Variants in PIK3CB observed in about 807,000 individuals in gnomAD.
The protein encoded by PIK3CB is phosphatidylinositol-4,5-bisphosphate 3-kinase catalytic subunit beta, also known as phosphatidylinositol 4,5-bisphosphate 3-kinase catalytic subunit beta isoform.
Under a neutral mutation model 136.8 loss-of-function variants are expected in PIK3CB, and 39 were observed. The observed-to-expected ratio is 0.29, with a 90% CI of 0.22 to 0.37. PIK3CB has a LOEUF of 0.37. Among genes scored for constraint, PIK3CB ranks in the 10% least tolerant of loss-of-function variants. The pLI, the probability that PIK3CB is intolerant of heterozygous loss-of-function variation, is 1.00. For missense variants in PIK3CB, 868 were observed against 1,275.4 expected, an observed-to-expected ratio of 0.68 and a Z score of 4.87; for synonymous variants, 428 against 436.6, an observed-to-expected ratio of 0.98 and a Z score of 0.25.
At position 138,733,437 on chromosome 3, in the gene PIK3CB, T is replaced by C. The variant is rs1426488974; in HGVS notation, c.974A>G (p.His325Arg). The change falls in exon 8 of 24, where the codon CAT (histidine) becomes CGT (arginine). Residue 325 changes from histidine to arginine, a missense_variant and splice_region_variant. Physicochemically the swap from His to Arg is conservative, Grantham distance 29. Around this residue, in one of 4 missense-constraint regions of PIK3CB, gnomAD observed 612 missense variants for 801.1 expected, o/e 0.76. Coordinates refer to ENST00000674063, the MANE Select transcript of PIK3CB (RefSeq NM_006219.3). ...LPPKKTRIIS[H>R]VWENNNPFQI... ...GAAAGGGTTGTTATTTTCCCAAACA[T>C]GCTGTAAAAGAATAAAATAAATACA... The C allele has an allele frequency of 6.8e-7, 1 of 1,460,434 alleles. No homozygotes were observed. The highest frequency in any genetic ancestry group is 9.6e-7 in the Non-Finnish European group (1 of 1,044,892). The allele number at this position is 1,460,434 out of a possible 1,614,324, so 90.5% of individuals were successfully genotyped here. A position where few individuals can be genotyped will look rare whatever the true frequency, so the allele number is the denominator to read the frequency against.
intron 17 of PIK3CB, among the ~76,000 whole-genome samples, chr3:138,684,022 T>G (rs140945416): frequency 7.4e-4 from 112 of 152,344 alleles, no homozygotes; most frequent in African/African-American, 2.6e-3. Context: ...CCTTCTCACC[T>G]TCTCCACTTA....
intron 19 of PIK3CB, among the ~76,000 whole-genome samples, chr3:138,670,303 A>G (rs1168297775): frequency 1.3e-5 from 2 of 152,248 alleles, no homozygotes; most frequent in African/African-American, 2.4e-5. Flanking sequence ...AATGAAGCTC[A>G]TGATATGGCC....
intron 1 of PIK3CB, among the ~76,000 whole-genome samples, chr3:138,805,542 C>T (rs528760568): frequency 5.3e-4 from 80 of 150,476 alleles, no homozygotes; most frequent in African/African-American, 1.9e-3. Context: ...CGTGGTGGCA[C>T]GCGCCTGTAG....
At chr3:138,662,948 TA>T (rs1485182066) in intron 21 of PIK3CB, among the ~76,000 whole-genome samples, 1 of 152,128 alleles carries the variant, frequency 6.6e-6, no homozygotes, top group Non-Finnish European at 1.5e-5. Flanking sequence ...CCTAAAACCA[TA>T]AAAACCCTAG....
intron 1 of PIK3CB, among the ~76,000 whole-genome samples, chr3:138,805,875 A>C (rs1045502078): frequency 6.6e-6 from 1 of 151,340 alleles, no homozygotes; most frequent in Non-Finnish European, 1.5e-5. Flanking sequence ...GATTACAGGC[A>C]TGCCCCACCA....
At chr3:138,712,493 T>C (rs1274959103) in intron 9 of PIK3CB, among the ~76,000 whole-genome samples, 189 bp from the exon 10 acceptor site, 1 of 151,832 alleles carries the variant, frequency 6.6e-6, no homozygotes, top group Non-Finnish European at 1.5e-5. Context: ...AGAAGAACCT[T>C]AAAACTCAAT....
rs1559885923 is a variant in PIK3CB, at chr3:138,806,723, A to G, written c.-121-10156T>C. 5.9e-5 allele frequency among the ~76,000 whole-genome samples: 9 copies of G among 152,192 alleles called. No homozygotes were observed. In the South Asian group the frequency reaches 1.9e-3, roughly 31 times the overall value. On this transcript the variant is annotated intron_variant, in intron 1 of 23. Transcript: ENST00000674063. ...ATGGCCAGCAGCAAAATAAGCTTGT[A>G]TTAGGAGGATAGTGAGAAAATAGAG...
At chr3:138,811,274 A>G (rs1933034637) in intron 1 of PIK3CB, among the ~76,000 whole-genome samples, 2 of 150,204 alleles carry the variant, frequency 1.3e-5, no homozygotes, top group South Asian at 2.1e-4. Flanking sequence ...AAAGTCTAAG[A>G]CACTGTCATG....
At chr3:138,834,667 G>A in intron 1 of PIK3CB, 28 bp downstream of exon 1, 1 of 154,588 alleles carries the variant, frequency 6.5e-6, no homozygotes, top group Non-Finnish European at 1.4e-5. Flanking sequence ...CAGCCGCGCC[G>A]CATCCGGGTC....
chr3:138,791,074 T>C (rs1381215153), intron 2 of PIK3CB, among the ~76,000 whole-genome samples: 1 of 152,118 alleles, frequency 6.6e-6, no homozygotes, highest in Non-Finnish European at 1.5e-5. Flanking sequence ...CTCCCTGTGG[T>C]GTTCAAAAAT....
chr3:138,829,092 G>A (rs1576437698), intron 1 of PIK3CB, among the ~76,000 whole-genome samples: 1 of 151,364 alleles, frequency 6.6e-6, no homozygotes, highest in East Asian at 1.9e-4. Context: ...GTGAGCCTCC[G>A]TGTCCGGCCA....
At chr3:138,713,751 T>C (rs185796270) in intron 9 of PIK3CB, among the ~76,000 whole-genome samples, 1 of 152,258 alleles carries the variant, frequency 6.6e-6, no homozygotes, top group Admixed American at 6.5e-5. Flanking sequence ...ATAAAATTAA[T>C]GTCCCTATCC....
chr3:138,745,348 A>G lies in PIK3CB; in HGVS notation c.398-2567T>C, dbSNP rs557027704. ...TTAAAAGGCAGTCCCTAGGCTGGGC[A>G]CAGTGGCTCACACCTATAATCCTCC... On this transcript the variant is annotated intron_variant, in intron 4 of 23. Coordinates refer to ENST00000674063, the MANE Select transcript of PIK3CB (RefSeq NM_006219.3). Among the ~76,000 whole-genome samples, 422 of 152,324 alleles carry G rather than the reference A, an allele frequency of 2.8e-3. 4 individuals are homozygous for G. The highest frequency in any genetic ancestry group is 8.4e-3 in the African/African-American group (349 of 41,586).
At chr3:138,740,220 G>A (rs775224771) in intron 5 of PIK3CB, among the ~76,000 whole-genome samples, 8 of 152,124 alleles carry the variant, frequency 5.3e-5, no homozygotes, top group Non-Finnish European at 1.0e-4. Flanking sequence ...TTAGCATGGC[G>A]TGGTGGTGCC....
At position 138,656,175 on chromosome 3, in the gene PIK3CB, T is replaced by A. The variant is rs750653605; in HGVS notation, c.3042A>T (p.Glu1014Asp). Residue 1014 changes from glutamate (E) to aspartate (D), a missense_variant, in exon 23 of 24, where the codon GAA (glutamate) becomes GAT (aspartate). This residue lies in a region of PIK3CB where 88 missense variants were observed against 147.8 expected (regional missense o/e 0.60). Transcript: ENST00000674063. ...FALMLTAGLPELTSVKDIQYL... is the reference protein window; with the variant it reads ...FALMLTAGLPDLTSVKDIQYL... ...ACTGTATATCTTTGACTGATGTGAG[T>A]TCAGGAAGCCCTGCAGTCAACATCA... 3 of 1,614,094 alleles carry A rather than the reference T, an allele frequency of 1.9e-6. No individual in the cohort carries two copies. Among genetic ancestry groups the A allele is most frequent in the Non-Finnish European group, 8.5e-7 (1 of 1,180,004 alleles).
intron 1 of PIK3CB, among the ~76,000 whole-genome samples, chr3:138,821,641 TG>T (rs1319570813): frequency 1.3e-5 from 2 of 151,642 alleles, no homozygotes; most frequent in Non-Finnish European, 2.9e-5. Context: ...AAAAATTAGC[TG>T]GGAGTGGTGG....
intron 2 of PIK3CB, among the ~76,000 whole-genome samples, chr3:138,768,722 C>A (rs2045764407): frequency 6.6e-6 from 1 of 152,158 alleles, no homozygotes; most frequent in Non-Finnish European, 1.5e-5. Flanking sequence ...CATTGGTGCC[C>A]AAAATCTGGA....
At chr3:138,692,617 C>T (rs1276742627) in intron 14 of PIK3CB, among the ~76,000 whole-genome samples, 1 of 152,214 alleles carries the variant, frequency 6.6e-6, no homozygotes, top group Non-Finnish European at 1.5e-5. Context: ...GTTTCCTCTT[C>T]TCTCACATTT....
chr3:138,697,124 T>C lies in PIK3CB; in HGVS notation c.1770+1783A>G, dbSNP rs2044153583. On this transcript the variant is annotated intron_variant, in intron 13 of 23. Coordinates refer to ENST00000674063, the MANE Select transcript of PIK3CB (RefSeq NM_006219.3). Reference sequence around the variant, plus strand: ...AGAGTACAGCAAGAAATTCTTTCCATTGTGATTCTAATGAAATAATATGAT... The same window carrying C: ...AGAGTACAGCAAGAAATTCTTTCCACTGTGATTCTAATGAAATAATATGAT... Among the ~76,000 whole-genome samples, 5 of 152,156 alleles carry C rather than the reference T, an allele frequency of 3.3e-5. No homozygotes were observed. The South Asian group carries it at 1.0e-3, about 31-fold the overall frequency.
Sources: allele counts gnomAD v4.1 joint callset (sites outside exome capture counted in the v4.1 genomes callset), GRCh38; gene constraint gnomAD v4.1.1; regional missense constraint gnomAD v4.1.1; transcripts MANE v1.5; gene names NCBI Gene and HGNC (gene_info 2026-07-23, HGNC 2026-07-21).